ITFG1: variants seen among roughly 807,000 people sequenced by gnomAD.
The protein encoded by ITFG1 is integrin alpha FG-GAP repeat containing 1.
A neutral mutation model predicts 81.8 loss-of-function variants in ITFG1; 34 were observed. That is an observed-to-expected ratio of 0.42 (90% CI 0.32 to 0.55). ITFG1 has a LOEUF of 0.55. Among genes scored for constraint, ITFG1 ranks in the 20% least tolerant of loss-of-function variants. The pLI is 0.17. For synonymous variants in ITFG1, 285 were observed against 270.6 expected (o/e 1.05, Z -0.52); for missense variants, 672 against 755.4 (o/e 0.89, Z 1.29).
chr16:47,398,539 T>A (rs1968620671), intron 6 of ITFG1, among the ~76,000 whole-genome samples: 1 of 152,206 alleles, frequency 6.6e-6, no homozygotes. Context: ...TCAGTGATGA[T>A]GGTAATTTAT....
intron 14 of ITFG1, 36 bp from the exon 15 acceptor site, chr16:47,162,700 C>A: frequency 1.3e-6 from 2 of 1,549,740 alleles, no homozygotes; most frequent in South Asian, 1.2e-5. Flanking sequence ...TTAAAAACAT[C>A]TCTGGAAACA....
chr16:47,356,351 C>T (rs201215157), intron 8 of ITFG1, among the ~76,000 whole-genome samples: 8 of 152,136 alleles, frequency 5.3e-5, no homozygotes, highest in Non-Finnish European at 7.3e-5. Context: ...ATCCTTTCAA[C>T]GTCACTGATT....
At chr16:47,222,413 C>CTTTT (rs1043034196) in intron 13 of ITFG1, among the ~76,000 whole-genome samples, 19 of 130,902 alleles carry the variant, frequency 1.5e-4, no homozygotes, top group Admixed American at 1.5e-4. Flanking sequence ...GAGTTTCTTT[C>CTTTT]TTTTTTTTTT....
intron 10 of ITFG1, among the ~76,000 whole-genome samples, chr16:47,308,476 T>C (rs1456722446): frequency 6.6e-6 from 1 of 152,204 alleles, no homozygotes; most frequent in African/African-American, 2.4e-5. Context: ...TGTATAAAGC[T>C]GAGGATGCTG....
intron 12 of ITFG1, among the ~76,000 whole-genome samples, chr16:47,248,298 G>A (rs1177224733): frequency 6.6e-6 from 1 of 152,118 alleles, no homozygotes; most frequent in African/African-American, 2.4e-5. Context: ...GCTCATGGTG[G>A]TTATATCTAC....
chr16:47,348,840 C>G (rs981201578), intron 8 of ITFG1, among the ~76,000 whole-genome samples: 4 of 152,162 alleles, frequency 2.6e-5, no homozygotes, highest in Admixed American at 6.5e-5. Flanking sequence ...AAGGGAAGCC[C>G]ATCAGACTAA....
At chr16:47,315,151 C>T (rs1378388900) in intron 8 of ITFG1, among the ~76,000 whole-genome samples, 1 of 151,818 alleles carries the variant, frequency 6.6e-6, no homozygotes, top group Non-Finnish European at 1.5e-5. Flanking sequence ...ACATTAAATA[C>T]AATAGTTGAA....
At chr16:47,218,778 GT>G in intron 14 of ITFG1, 89 bp downstream of exon 14, 4 of 639,940 alleles carry the variant, frequency 6.3e-6, no homozygotes, top group Non-Finnish European at 1.0e-5. Context: ...ATTAAGGAGT[GT>G]GAAAACATAA....
At chr16:47,313,684 A>T in intron 9 of ITFG1, 45 bp downstream of exon 9, 1 of 1,066,428 alleles carries the variant, frequency 9.4e-7, no homozygotes, top group East Asian at 2.5e-5. Context: ...ATTTTTTTCC[A>T]AGCACATAAA....
At chr16:47,343,762 A>G (rs1345149440) in intron 8 of ITFG1, among the ~76,000 whole-genome samples, 1 of 152,144 alleles carries the variant, frequency 6.6e-6, no homozygotes, top group Non-Finnish European at 1.5e-5. Flanking sequence ...AGGAACGTAA[A>G]ATGTTTACAT....
At chr16:47,328,492 A>T (rs190784831) in intron 8 of ITFG1, among the ~76,000 whole-genome samples, 148 of 152,178 alleles carry the variant, frequency 9.7e-4, no homozygotes, top group African/African-American at 3.4e-3. Flanking sequence ...AAAAAAATCA[A>T]ACCATATATA....
At chr16:47,327,166 T>C in intron 8 of ITFG1, among the ~76,000 whole-genome samples, 1 of 151,976 alleles carries the variant, frequency 6.6e-6, no homozygotes, top group East Asian at 1.9e-4. Context: ...TCAGAAATAA[T>C]GTCACATATC....
At chr16:47,446,309 C>G (rs997842497) in intron 5 of ITFG1, among the ~76,000 whole-genome samples, 11 of 152,168 alleles carry the variant, frequency 7.2e-5, no homozygotes, top group African/African-American at 2.2e-4. Context: ...ATCACTCACT[C>G]TGGGCTTCAA....
Position 47,260,611 on chromosome 16 carries a change from C to T in ITFG1, c.1155G>A (p.Trp385Ter). 2 of 1,614,136 alleles carry T rather than the reference C, an allele frequency of 1.2e-6. No homozygotes were observed. Among genetic ancestry groups the T allele is most frequent in the Non-Finnish European group, 8.5e-7 (1 of 1,180,012 alleles). The stretch of plus-strand genomic sequence containing the variant: ...TAATTTGATTTAGGTCTGTCAGCTC[C>T]CAGTAGACTTTAAACATTCGACGCG... The part of the protein sequence containing the change: ...EEARRMFKVY[W>*]ELTDLNQIKD... Residue 385 changes from tryptophan (W) to a stop codon, truncating the protein, a stop_gained, in exon 11 of 18, where the codon TGG becomes TGA. Transcript: ENST00000320640. LOFTEE classifies it high-confidence loss of function.
chr16:47,403,779 C>T (rs1032364305), intron 6 of ITFG1, among the ~76,000 whole-genome samples: 2 of 150,902 alleles, frequency 1.3e-5, no homozygotes, highest in African/African-American at 2.4e-5. Context: ...CACACACACA[C>T]ACACACACAC....
At chr16:47,260,992 C>T (rs1966203768) in intron 10 of ITFG1, among the ~76,000 whole-genome samples, 1 of 152,172 alleles carries the variant, frequency 6.6e-6, no homozygotes, top group Admixed American at 6.5e-5. Flanking sequence ...GTTATTGACC[C>T]TCAGTTCCTG....
At chr16:47,219,614 T>C (rs1293787397) in intron 13 of ITFG1, among the ~76,000 whole-genome samples, 1 of 152,158 alleles carries the variant, frequency 6.6e-6, no homozygotes, top group Non-Finnish European at 1.5e-5. Flanking sequence ...GATGACAAAA[T>C]GTTTAAGAAA....
At chr16:47,283,419 C>T (rs1299902331) in intron 10 of ITFG1, among the ~76,000 whole-genome samples, 1 of 152,166 alleles carries the variant, frequency 6.6e-6, no homozygotes, top group Non-Finnish European at 1.5e-5. Context: ...TCTGGGTTCT[C>T]CATTCTGTCC....
At chr16:47,425,523 G>T (rs753187283) in intron 6 of ITFG1, among the ~76,000 whole-genome samples, 37 of 151,804 alleles carry the variant, frequency 2.4e-4, no homozygotes, top group Admixed American at 5.2e-4. Flanking sequence ...CCCGTCTTCT[G>T]CGTTGATCTC....
Sources: gnomAD v4.1 joint callset for allele counts (sites outside exome capture counted in the v4.1 genomes callset) on GRCh38, gnomAD v4.1.1 for gene constraint, MANE v1.5 for transcripts, NCBI Gene and HGNC (gene_info 2026-07-23, HGNC 2026-07-21) for gene names.